PLCE1: variants seen among roughly 807,000 people sequenced by gnomAD.
The protein encoded by PLCE1 is 1-phosphatidylinositol 4,5-bisphosphate phosphodiesterase epsilon-1.
PLCE1 carries 119 observed loss-of-function variants against 242.8 expected under a neutral mutation model. That is an observed-to-expected ratio of 0.49 (90% CI 0.42 to 0.57). PLCE1 has a LOEUF of 0.57. PLCE1 is among the 20% of genes least tolerant of loss of function. The pLI, the probability that PLCE1 is intolerant of heterozygous loss-of-function variation, is 0.00. For synonymous variants in PLCE1, 945 were observed against 1,017.4 expected, an observed-to-expected ratio of 0.93 and a Z score of 1.35; for missense variants, 2,441 against 2,788.8, an observed-to-expected ratio of 0.88 and a Z score of 2.81.
Position 94,246,047 on chromosome 10 carries a change from ATGGGACGG to A in PLCE1, c.2523_2530del (p.His841GlnfsTer46). On this transcript the variant is annotated frameshift_variant, in exon 8 of 33. Transcript: ENST00000371380. LOFTEE classifies it high-confidence loss of function. ...GAGGACTCACAGAAGGCCTTCGACC[ATGGGACGG>A]AGCTCATCCCTTGGTACGTGCTGTC... 6.2e-7 allele frequency: 1 copy of A among 1,614,180 alleles called. No individual in the cohort carries two copies. The highest frequency in any genetic ancestry group is 2.2e-5 in the East Asian group (1 of 44,880).
rs780934284 is a variant in PLCE1 at position 94,079,447 on chromosome 10, C to G, written c.1206+47195C>G. 8.6e-5 allele frequency among the ~76,000 whole-genome samples: 13 copies of G among 151,908 alleles called. No individual in the cohort carries two copies. In the South Asian group the frequency reaches 1.5e-3, roughly 17 times the overall value. On this transcript the variant is annotated intron_variant, in intron 2 of 32. Transcript: ENST00000371380. Reference sequence around the variant, plus strand: ...GGGAACATCACACACCAGGGCCTGTCGTGGGGTGGGGAGCGAGGGGAGGGA... The same window carrying G: ...GGGAACATCACACACCAGGGCCTGTGGTGGGGTGGGGAGCGAGGGGAGGGA...
At chr10:94,104,688 C>T (rs1342060131) in intron 2 of PLCE1, 1 of 152,146 alleles carries the variant, frequency 6.6e-6, no homozygotes, top group Non-Finnish European at 1.5e-5. Context: ...TTATATTTGG[C>T]CTTCAGTCCC....
At chr10:94,042,532 A>G (rs1335845609) in intron 2 of PLCE1, among the ~76,000 whole-genome samples, 1 of 152,044 alleles carries the variant, frequency 6.6e-6, no homozygotes, top group Non-Finnish European at 1.5e-5. Flanking sequence ...TACCCCTATA[A>G]CTTGGCAGAA....
In PLCE1 at chr10:94,262,645, T is replaced by G. The variant is rs1299346018; in HGVS notation, c.3966T>G (p.Phe1322Leu). The part of the protein sequence containing the change: ...TGIESTSLGI[F>L]GVGILQLNDF... ...TTGAGAGCACATCTCTGGGCATTTT[T>G]GGGGTGGGCATACTTCAGCTCAACG... The change falls in exon 14 of 33, where the codon TTT becomes TTG. Residue 1322 changes from phenylalanine to leucine, a missense_variant. Physicochemically the swap from Phe to Leu is conservative, Grantham distance 22. This residue lies in a region of PLCE1 where 1,004 missense variants were observed against 1,322.7 expected (regional missense o/e 0.76). Transcript: ENST00000371380. 6.2e-7 allele frequency: 1 copy of G among 1,614,104 alleles called. No individual in the cohort carries two copies. Among genetic ancestry groups the G allele is most frequent in the Middle Eastern group, 1.7e-4 (1 of 6,060 alleles).
chr10:94,294,123 A>C (rs1466057802), intron 23 of PLCE1, among the ~76,000 whole-genome samples: 1 of 152,228 alleles, frequency 6.6e-6, no homozygotes, highest in Non-Finnish European at 1.5e-5. Context: ...ATATTAAAAA[A>C]TTAAAAAATA....
At chr10:94,130,385 G>T (rs1011609542) in intron 2 of PLCE1, among the ~76,000 whole-genome samples, 19 of 152,220 alleles carry the variant, frequency 1.2e-4, no homozygotes, top group African/African-American at 4.6e-4. Flanking sequence ...TTATAGACTT[G>T]CTCAACAGTA....
At chr10:94,030,084 A>G (rs1469713465) in intron 1 of PLCE1, among the ~76,000 whole-genome samples, 7 of 152,298 alleles carry the variant, frequency 4.6e-5, no homozygotes, top group Admixed American at 3.9e-4. Context: ...TTTGCTGGGT[A>G]TAGAATTTGA....
At chr10:94,140,394 T>G (rs1204390216) in intron 3 of PLCE1, among the ~76,000 whole-genome samples, 10 of 149,062 alleles carry the variant, frequency 6.7e-5, no homozygotes, top group African/African-American at 9.8e-5. Context: ...AAAAAAAAAG[T>G]TAACCAGGCG....
At chr10:94,155,427 G>A (rs12264693) in intron 3 of PLCE1, among the ~76,000 whole-genome samples, 4,757 of 152,200 alleles carry the variant, frequency 0.031, 224 homozygotes, top group African/African-American at 0.093. Context: ...GTCCAGCATG[G>A]GCAAATCCTT....
chr10:94,194,904 A>G (rs1184429382), intron 4 of PLCE1, among the ~76,000 whole-genome samples: 3 of 152,192 alleles, frequency 2.0e-5, no homozygotes, highest in Non-Finnish European at 4.4e-5. Flanking sequence ...CAATACTATC[A>G]TATTTTAAAC....
intron 24 of PLCE1, among the ~76,000 whole-genome samples, chr10:94,303,544 A>G (rs1214517294): frequency 3.9e-5 from 6 of 152,360 alleles, no homozygotes; most frequent in African/African-American, 1.4e-4. Flanking sequence ...TTTTAAAAAG[A>G]AATAGGTGTA....
chr10:94,142,194 A>C (rs2046992543), intron 3 of PLCE1, among the ~76,000 whole-genome samples: 1 of 152,112 alleles, frequency 6.6e-6, no homozygotes, highest in Non-Finnish European at 1.5e-5. Context: ...ACAACTTCGG[A>C]GAGTTGTTTT....
chr10:94,179,530 T>TTTGG (rs10636243), intron 4 of PLCE1, among the ~76,000 whole-genome samples: 3 of 118,824 alleles, frequency 2.5e-5, no homozygotes, highest in South Asian at 3.0e-4. Flanking sequence ...TTTTTTTTTT[T>TTTGG]GACAGGGTCT....
chr10:94,052,161 C>G (rs181751892), intron 2 of PLCE1, among the ~76,000 whole-genome samples: 1 of 152,148 alleles, frequency 6.6e-6, no homozygotes, highest in Non-Finnish European at 1.5e-5. Context: ...ACATGGAAAC[C>G]TAGAGGCTTG....
intron 28 of PLCE1, chr10:94,314,843 A>T (rs2053513379): frequency 6.6e-6 from 1 of 152,182 alleles, no homozygotes; most frequent in South Asian, 2.1e-4. Flanking sequence ...TAACTGACTT[A>T]AATAGAGAAA....
intron 29 of PLCE1, 71 bp from the exon 30 acceptor site, chr10:94,321,830 T>G (rs542013627): frequency 4.0e-4 from 466 of 1,155,290 alleles, no homozygotes; most frequent in Non-Finnish European, 5.6e-4. Context: ...AGCTCAGATT[T>G]TTGCTAGATT....
At chr10:94,013,444 A>T (rs1479042159) in intron 1 of PLCE1, among the ~76,000 whole-genome samples, 1 of 152,200 alleles carries the variant, frequency 6.6e-6, no homozygotes, top group Non-Finnish European at 1.5e-5. Context: ...TCCTTTTGCA[A>T]CACTTTGGCA....
intron 2 of PLCE1, among the ~76,000 whole-genome samples, chr10:94,117,971 C>T (rs1263867325): frequency 2.0e-5 from 3 of 152,130 alleles, no homozygotes. Flanking sequence ...CTGATTGTTT[C>T]AACAAAAGAC....
Position 94,031,289 on chromosome 10 carries a change from G to A in PLCE1, c.243G>A (p.Val81=), listed in dbSNP as rs752985322. ...TCTCAATAGCGAGGGAGAAAATAGT[G>A]AGTGATGAGAACAGTAATGAAAAAT... is the stretch of plus-strand genomic sequence containing the variant. ...KILSIAREKI[V]SDENSNEKCW... The change falls in exon 2 of 33, where the codon GTG becomes GTA. Residue 81 remains valine (V), a synonymous_variant. Transcript: ENST00000371380. 12 of 1,613,730 alleles carry A rather than the reference G, an allele frequency of 7.4e-6. No homozygotes were observed. The highest frequency in any genetic ancestry group is 1.6e-4 in the Middle Eastern group (1 of 6,084).
Sources: allele counts gnomAD v4.1 joint callset (sites outside exome capture counted in the v4.1 genomes callset), GRCh38; gene constraint gnomAD v4.1.1; regional missense constraint gnomAD v4.1.1; transcripts MANE v1.5; gene names NCBI Gene and HGNC (gene_info 2026-07-23, HGNC 2026-07-21).